The following RANBP17 variants were observed in gnomAD, a reference collection of about 807,000 sequenced individuals.
The protein encoded by RANBP17 is ran-binding protein 17.
In RANBP17, 158 loss-of-function variants were observed where a neutral mutation model predicts 141.2. The observed-to-expected ratio is 1.12, with a 90% confidence interval of 0.98 to 1.28. The LOEUF is 1.28. RANBP17 is among the 50% of genes most tolerant of loss of function. The pLI is 0.00. For missense variants in RANBP17, 1,438 were observed against 1,290.7 expected, an observed-to-expected ratio of 1.11 and a Z score of -1.75; for synonymous variants, 430 against 450.0, an observed-to-expected ratio of 0.96 and a Z score of 0.56.
chr5:170,872,933 A>G (rs1488619875), intron 1 of RANBP17, among the ~76,000 whole-genome samples: 2 of 151,812 alleles, frequency 1.3e-5, no homozygotes, highest in Non-Finnish European at 2.9e-5. Flanking sequence ...TTTTTTTAAG[A>G]CGGAGTCTTA....
At chr5:170,973,724 C>T (rs902547068) in intron 14 of RANBP17, among the ~76,000 whole-genome samples, 7 of 152,160 alleles carry the variant, frequency 4.6e-5, no homozygotes, top group African/African-American at 1.7e-4. Flanking sequence ...AAACAACAAA[C>T]ATTTGTTTCT....
chr5:171,139,349 T>C (rs1035293753), intron 14 of RANBP17, among the ~76,000 whole-genome samples: 2 of 152,210 alleles, frequency 1.3e-5, no homozygotes, highest in African/African-American at 4.8e-5. Context: ...TACCCCATTG[T>C]TGGCATGAGC....
At chr5:170,984,460 T>A (rs116110093) in intron 14 of RANBP17, among the ~76,000 whole-genome samples, 4,047 of 152,042 alleles carry the variant, frequency 0.027, 177 homozygotes, top group African/African-American at 0.091. Context: ...ACCCTGTCTC[T>A]ACAAAAAATT....
chr5:170,917,827 G>A (rs1376515830), intron 9 of RANBP17, among the ~76,000 whole-genome samples: 2 of 152,092 alleles, frequency 1.3e-5, no homozygotes, highest in Admixed American at 1.3e-4. Flanking sequence ...TTTCATGGCT[G>A]TAAAAGTTGG....
At chr5:171,003,198 T>C (rs1779349832) in intron 14 of RANBP17, among the ~76,000 whole-genome samples, 1 of 152,086 alleles carries the variant, frequency 6.6e-6, no homozygotes, top group African/African-American at 2.4e-5. Flanking sequence ...GAATTCCAAA[T>C]GCACAGCCCT....
chr5:171,171,210 AC>A lies in RANBP17; in HGVS notation c.1790del (p.Thr597LysfsTer12), dbSNP rs1314858910. ...AAGACTTTTTTTCATATTTAGTGTT[AC>A]AAACCTTAAATACTGGGGAAGATAT... is the stretch of plus-strand genomic sequence containing the variant. ...VLETFMTKIV[T>X]NLKYWGRYEP... On this transcript the variant is annotated frameshift_variant, in exon 16 of 28. Transcript: ENST00000523189. LOFTEE classifies it high-confidence loss of function. The A allele has an allele frequency of 6.4e-7, 1 of 1,566,102 alleles. No homozygotes were observed. Among genetic ancestry groups the A allele is most frequent in the Non-Finnish European group, 8.7e-7 (1 of 1,145,832 alleles).
intron 27 of RANBP17, among the ~76,000 whole-genome samples, chr5:171,298,434 T>C (rs1275293757): frequency 6.6e-6 from 1 of 151,926 alleles, no homozygotes; most frequent in Middle Eastern, 3.2e-3. Context: ...ACTTTTGTTC[T>C]TTTTTTTATA....
intron 24 of RANBP17, among the ~76,000 whole-genome samples, chr5:171,254,262 A>G (rs1323068705): frequency 6.6e-6 from 1 of 152,032 alleles, no homozygotes; most frequent in Non-Finnish European, 1.5e-5. Context: ...AAAAAAAAAA[A>G]AAATTCCTGT....
chr5:170,952,327 C>G (rs1357068045), intron 12 of RANBP17, among the ~76,000 whole-genome samples: 2 of 151,958 alleles, frequency 1.3e-5, no homozygotes, highest in African/African-American at 2.4e-5. Flanking sequence ...TTCTTACTCT[C>G]CTACTTAATC....
At chr5:170,976,036 A>AT (rs1777353263) in intron 14 of RANBP17, among the ~76,000 whole-genome samples, 1 of 151,998 alleles carries the variant, frequency 6.6e-6, no homozygotes. Flanking sequence ...TAAAAAAAAA[A>AT]GGAATCTAGG....
intron 14 of RANBP17, among the ~76,000 whole-genome samples, chr5:171,024,661 A>T (rs147791388): frequency 0.01 from 1,553 of 152,224 alleles, 9 homozygotes; most frequent in South Asian, 0.018. Context: ...AGCTTGTCTG[A>T]TACCATGTTC....
intron 5 of RANBP17, among the ~76,000 whole-genome samples, chr5:170,900,788 G>T (rs1204507432): frequency 6.6e-6 from 1 of 152,154 alleles, no homozygotes; most frequent in Admixed American, 6.5e-5. Flanking sequence ...AGTCATTCAG[G>T]AGCAGGTTGT....
chr5:170,951,259 C>G (rs778943810), intron 12 of RANBP17, among the ~76,000 whole-genome samples: 5 of 151,808 alleles, frequency 3.3e-5, no homozygotes, highest in Non-Finnish European at 5.9e-5. Flanking sequence ...GGTGAATACT[C>G]GAGGCAATAG....
chr5:171,277,969 T>G (rs1767636241), intron 25 of RANBP17, among the ~76,000 whole-genome samples: 1 of 107,456 alleles, frequency 9.3e-6, no homozygotes, highest in Non-Finnish European at 1.9e-5. Flanking sequence ...TTTTTTTTTT[T>G]GATTTTTTAG....
chr5:170,983,910 G>A (rs1777938698), intron 14 of RANBP17, among the ~76,000 whole-genome samples: 1 of 152,134 alleles, frequency 6.6e-6, no homozygotes, highest in Admixed American at 6.5e-5. Context: ...GAAGGAAAAT[G>A]GGATGCTTGT....
chr5:171,171,182 T>A (rs779402913), intron 15 of RANBP17, 24 bp from the exon 16 acceptor site: 1 of 1,325,308 alleles, frequency 7.5e-7, no homozygotes, highest in Non-Finnish European at 1.1e-6. Context: ...TTACTTATAA[T>A]TAAAGACTTT....
At chr5:171,102,785 C>T (rs1056221429) in intron 14 of RANBP17, among the ~76,000 whole-genome samples, 3 of 151,762 alleles carry the variant, frequency 2.0e-5, no homozygotes, top group South Asian at 2.1e-4. Context: ...GTTTTTGCTT[C>T]GTTGTCCTTT....
intron 18 of RANBP17, among the ~76,000 whole-genome samples, chr5:171,191,345 C>T (rs769720177): frequency 9.9e-5 from 15 of 151,786 alleles, no homozygotes; most frequent in African/African-American, 2.7e-4. Context: ...CTTTTTGATC[C>T]GCCTGCCCAC....
intron 14 of RANBP17, among the ~76,000 whole-genome samples, chr5:171,046,627 A>G (rs1011267745): frequency 9.8e-5 from 15 of 152,346 alleles, no homozygotes; most frequent in Admixed American, 5.2e-4. Context: ...TACAGTAAAC[A>G]TGCTTATACA....
Sources: gnomAD v4.1 joint callset for allele counts (sites outside exome capture counted in the v4.1 genomes callset) on GRCh38, gnomAD v4.1.1 for gene constraint, MANE v1.5 for transcripts, NCBI Gene and HGNC (gene_info 2026-07-23, HGNC 2026-07-21) for gene names.